The following RBFOX1 variants were observed in gnomAD, a reference collection of about 807,000 sequenced individuals.
RBFOX1 encodes RNA binding protein fox-1 homolog 1.
Under a neutral mutation model 57.7 loss-of-function variants are expected in RBFOX1, and 8 were observed. The ratio of observed to expected loss-of-function variants is 0.14; its 90% CI spans 0.08 to 0.25. The LOEUF (loss-of-function observed/expected upper bound fraction) is 0.25. RBFOX1 is among the 10% of genes least tolerant of loss of function. The pLI is 1.00. For synonymous variants in RBFOX1, 326 were observed against 222.4 expected (o/e 1.47, Z -4.15); for missense variants, 611 against 548.5 (o/e 1.11, Z -1.14).
At chr16:7,450,773 G>C (rs1189427531) in intron 4 of RBFOX1, among the ~76,000 whole-genome samples, 1 of 152,166 alleles carries the variant, frequency 6.6e-6, no homozygotes, top group Non-Finnish European at 1.5e-5. Flanking sequence ...GGAGGAACCA[G>C]TGACCCCAGT....
At chr16:5,725,775 C>A (rs1483680126) in intron 3 of RBFOX1, among the ~76,000 whole-genome samples, 2 of 151,966 alleles carry the variant, frequency 1.3e-5, no homozygotes, top group African/African-American at 4.8e-5. Context: ...CCAAGAATGG[C>A]ACTGCTAGCT....
intron 1 of RBFOX1, among the ~76,000 whole-genome samples, chr16:6,213,181 T>C (rs1355733880): frequency 1.3e-5 from 2 of 152,222 alleles, no homozygotes; most frequent in Non-Finnish European, 2.9e-5. Flanking sequence ...ACAGAAACTA[T>C]ATATTTTTTT....
chr16:6,819,431 G>A (rs1242546889), intron 3 of RBFOX1, among the ~76,000 whole-genome samples: 1 of 152,050 alleles, frequency 6.6e-6, no homozygotes, highest in African/African-American at 2.4e-5. Flanking sequence ...CCAAAAGGTA[G>A]GCCGGGCATG....
At chr16:6,811,347 A>T (rs1193426635) in intron 3 of RBFOX1, among the ~76,000 whole-genome samples, 1 of 152,254 alleles carries the variant, frequency 6.6e-6, no homozygotes, top group Non-Finnish European at 1.5e-5. Context: ...ATTTAAAAAT[A>T]TTATGGGGTA....
chr16:5,531,468 C>T (rs1257123605), intron 2 of RBFOX1, among the ~76,000 whole-genome samples: 1 of 152,152 alleles, frequency 6.6e-6, no homozygotes, highest in Non-Finnish European at 1.5e-5. Flanking sequence ...TCTTTAAGTT[C>T]ACTCTTTATT....
rs1037036403 is a variant in RBFOX1, at chr16:5,477,925, C to T, written c.258+10671C>T. Among the ~76,000 whole-genome samples, 6 of 152,296 alleles carry T rather than the reference C, an allele frequency of 3.9e-5. No individual in the cohort carries two copies. The East Asian group carries it at 9.7e-4, about 25-fold the overall frequency. On this transcript the variant is annotated intron_variant, in intron 2 of 2. Transcript: ENST00000585867. The stretch of plus-strand genomic sequence containing the variant: ...GGCGTGATGTGAAACTCAACTTGCT[C>T]AGCCCCAAATGCAGTTCTCCTTGGT...
chr16:7,217,009 T>TCCCCTCCCTCCCTCCCTTCC (rs2092166155), intron 4 of RBFOX1, among the ~76,000 whole-genome samples: 2 of 16,820 alleles, frequency 1.2e-4, no homozygotes, highest in Non-Finnish European at 2.2e-4. Flanking sequence ...CCTCCCTCCC[T>TCCCCTCCCTCCCTCCCTTCC]TCCCTCCCTC....
intron 10 of RBFOX1, among the ~76,000 whole-genome samples, chr16:7,616,733 C>T (rs1374098022): frequency 2.6e-5 from 4 of 152,152 alleles, no homozygotes; most frequent in Non-Finnish European, 5.9e-5. Context: ...GCTTTCATCA[C>T]GTTAGCCAGG....
chr16:5,807,665 G>T (rs1326680274), intron 3 of RBFOX1, among the ~76,000 whole-genome samples: 1 of 152,218 alleles, frequency 6.6e-6, no homozygotes, highest in African/African-American at 2.4e-5. Context: ...GATTCTGGAA[G>T]TCCTGGCTTC....
chr16:6,547,915 C>G (rs78843564), intron 2 of RBFOX1, among the ~76,000 whole-genome samples: 2,774 of 152,260 alleles, frequency 0.018, 85 homozygotes, highest in African/African-American at 0.062. Flanking sequence ...AAACCCCAGA[C>G]TGCAAGCGAG....
rs973309618 is a variant in RBFOX1 at position 6,629,622 on chromosome 16, G to A, written c.-63-24981G>A. 3.3e-5 allele frequency among the ~76,000 whole-genome samples: 5 copies of A among 152,186 alleles called. No individual in the cohort carries two copies. The East Asian group carries it at 9.7e-4, about 29-fold the overall frequency. On this transcript the variant is annotated intron_variant, in intron 2 of 15. Coordinates refer to ENST00000550418, the MANE Select transcript of RBFOX1 (RefSeq NM_018723.4). The stretch of plus-strand genomic sequence containing the variant: ...CTGGCTGCAAGATTCTTAGAGTATT[G>A]GGAGAGATGCTCAGAGCCCCTTAAC...
chr16:6,099,869 C>A (rs546735032), intron 1 of RBFOX1, among the ~76,000 whole-genome samples: 24 of 152,238 alleles, frequency 1.6e-4, no homozygotes, highest in African/African-American at 5.5e-4. Context: ...ATTTTACTTC[C>A]ATATTAAAGG....
chr16:7,089,078 C>T (rs546720637), intron 4 of RBFOX1, among the ~76,000 whole-genome samples: 29 of 152,264 alleles, frequency 1.9e-4, no homozygotes, highest in African/African-American at 6.3e-4. Flanking sequence ...GTCATTTACA[C>T]CCTTGCCCCC....
At chr16:6,979,587 G>C (rs1360131477) in intron 3 of RBFOX1, among the ~76,000 whole-genome samples, 1 of 152,198 alleles carries the variant, frequency 6.6e-6, no homozygotes, top group Non-Finnish European at 1.5e-5. Context: ...TTGCAGCACA[G>C]TACAGGGGTG....
chr16:7,195,534 T>C (rs1031902059), intron 4 of RBFOX1, among the ~76,000 whole-genome samples: 1 of 152,102 alleles, frequency 6.6e-6, no homozygotes, highest in African/African-American at 2.4e-5. Flanking sequence ...TTGCTCTTGC[T>C]CTCTTTATTT....
chr16:5,631,188 TTGATGA>T (rs533139690), intron 3 of RBFOX1, among the ~76,000 whole-genome samples: 4 of 152,084 alleles, frequency 2.6e-5, no homozygotes, highest in Non-Finnish European at 5.9e-5. Flanking sequence ...GGTGATGAGG[TTGATGA>T]TGATGATGTT....
At chr16:7,505,838 T>C (rs2073088237) in intron 4 of RBFOX1, among the ~76,000 whole-genome samples, 1 of 152,290 alleles carries the variant, frequency 6.6e-6, no homozygotes, top group South Asian at 2.1e-4. Context: ...CTTTGTTGTT[T>C]GTTGGATTTT....
intron 4 of RBFOX1, among the ~76,000 whole-genome samples, chr16:7,477,637 T>A (rs1338203683): frequency 6.6e-6 from 1 of 152,142 alleles, no homozygotes; most frequent in Non-Finnish European, 1.5e-5. Flanking sequence ...CTCACCTTAT[T>A]ACGATGGTAG....
At chr16:6,521,458 CTCCTCTCCTCTCTTCTCT>C (rs975148022) in intron 2 of RBFOX1, among the ~76,000 whole-genome samples, 5 of 135,772 alleles carry the variant, frequency 3.7e-5, no homozygotes, top group Non-Finnish European at 7.8e-5. Context: ...CCCGTCCCCT[CTCCTCTCCTCTCTTCTCT>C]TCCTCTCCCC....
Sources: gnomAD v4.1 joint callset for allele counts (sites outside exome capture counted in the v4.1 genomes callset) on GRCh38, gnomAD v4.1.1 for gene constraint, MANE v1.5 for transcripts, NCBI Gene and HGNC (gene_info 2026-07-23, HGNC 2026-07-21) for gene names.